PCNX3: variants seen among roughly 807,000 people sequenced by gnomAD.
The protein encoded by PCNX3 is pecanex-like protein 3.
A neutral mutation model predicts 207.2 loss-of-function variants in PCNX3; 58 were observed. That is an observed-to-expected ratio of 0.28 (90% CI 0.23 to 0.35). PCNX3 has a LOEUF of 0.35. PCNX3 is among the 10% of genes least tolerant of loss of function. PCNX3 has a pLI of 1.00. For synonymous variants in PCNX3, 1,337 were observed against 1,183.5 expected (o/e 1.13, Z -2.66); for missense variants, 2,410 against 2,774.4 (o/e 0.87, Z 2.95).
In PCNX3 at chr11:65,623,518, C is replaced by T. The variant is rs1251470791; in HGVS notation, c.2385C>T (p.Phe795=). The T allele has an allele frequency of 4.3e-6, 7 of 1,611,876 alleles. No individual in the cohort carries two copies. The highest frequency in any genetic ancestry group is 1.3e-5 in the African/African-American group (1 of 74,838). The part of the protein sequence containing the change: ...DRTRGVLENI[F]GVGLSSLVAF... ...CGCGGGGAGTGCTGGAGAACATCTT[C>T]GGCGTGGGCCTGAGCAGCCTTGTGG... The change falls in exon 12 of 35, where the codon TTC becomes TTT. Residue 795 remains phenylalanine (F), a synonymous_variant. Coordinates refer to ENST00000355703, the MANE Select transcript of PCNX3 (RefSeq NM_032223.4).
Position 65,635,742 on chromosome 11 carries a change from C to T in PCNX3, c.5398C>T (p.Leu1800=), listed in dbSNP as rs61739950. 8.7e-4 allele frequency: 1,394 copies of T among 1,604,248 alleles called. 9 individuals carry two copies. The African/African-American group carries it at 0.013, about 15-fold the overall frequency. Residue 1800 remains leucine, a synonymous_variant, in exon 32 of 35, where the codon CTG becomes TTG. Coordinates refer to ENST00000355703, the MANE Select transcript of PCNX3 (RefSeq NM_032223.4). The surrounding 1 kb of genome is among the most constrained non-coding windows in gnomAD (Gnocchi z 9.9). ...LAGSHPQLRA[L]WGGPISLGAI... is the part of the protein sequence containing the mutation. ...TGGCAGCCACCCCCAGCTACGGGCA[C>T]TGTGGGGTGGCCCCATCAGCCTGGG...
intron 10 of PCNX3, among the ~76,000 whole-genome samples, chr11:65,621,804 G>C (rs553448211): frequency 6.6e-6 from 1 of 152,364 alleles, no homozygotes; most frequent in South Asian, 2.1e-4. Context: ...TTGGCACCTA[G>C]GCATGTCCTC....
At chr11:65,631,663 A>C (rs1262041845) in intron 27 of PCNX3, among the ~76,000 whole-genome samples, 3 of 152,136 alleles carry the variant, frequency 2.0e-5, no homozygotes, top group African/African-American at 7.2e-5. Context: ...TCTCAAAAAA[A>C]AAAAAGGAAT....
At chr11:65,622,143 G>A (rs750314321) in intron 10 of PCNX3, 102 bp from the exon 11 acceptor site, 32 of 1,465,002 alleles carry the variant, frequency 2.2e-5, no homozygotes, top group Non-Finnish European at 2.9e-5. Flanking sequence ...TGTGCTGAAG[G>A]GGGGTAACAG....
chr11:65,616,444 T>A lies in PCNX3; in HGVS notation c.133T>A (p.Phe45Ile). 6.2e-7 allele frequency: 1 copy of A among 1,608,650 alleles called. No homozygotes were observed. Among genetic ancestry groups the A allele is most frequent in the Non-Finnish European group, 8.5e-7 (1 of 1,179,320 alleles). The change falls in exon 1 of 35, where the codon TTT becomes ATT. Residue 45 changes from phenylalanine to isoleucine, a missense_variant. Phe to Ile is a conservative substitution (Grantham distance 21). Around this residue, in one of 8 missense-constraint regions of PCNX3, gnomAD observed 1,104 missense variants for 970.3 expected, o/e 1.14. Coordinates refer to ENST00000355703, the MANE Select transcript of PCNX3 (RefSeq NM_032223.4). Reference protein sequence around the residue: ...HLYVWIFLLIFPFLLYMVLPP... With the variant: ...HLYVWIFLLIIPFLLYMVLPP... ...CTATGTCTGGATCTTCCTGCTCATC[T>A]TTCCCTTCTTACTGTACATGGTGAG... is the stretch of plus-strand genomic sequence containing the variant.
At chr11:65,621,086 G>A in intron 10 of PCNX3, 120 bp downstream of exon 10, 2 of 1,306,932 alleles carry the variant, frequency 1.5e-6, no homozygotes, top group Non-Finnish European at 1.0e-6. Context: ...AGTGCTGAGT[G>A]AGCGCTCCAG....
Position 65,635,379 on chromosome 11 carries a change from G to T in PCNX3, c.5115G>T (p.Leu1705=), listed in dbSNP as rs758898958. 8 of 1,612,212 alleles carry T rather than the reference G, an allele frequency of 5.0e-6. No individual in the cohort carries two copies. The highest frequency in any genetic ancestry group is 5.9e-6 in the Non-Finnish European group (7 of 1,179,684). ...CCCTGCTGGCGCTGCGCCATGTCCT[G>T]GATGATGCCTCCGACGAGTACAAGA... ...TPSLLALRHV[L]DDASDEYKII... is the part of the protein sequence containing the mutation. Residue 1705 remains leucine (L), a synonymous_variant, in exon 31 of 35, where the codon CTG becomes CTT. Transcript: ENST00000355703. This position sits in a 1 kb window ranked among gnomAD's most constrained non-coding sequence, Gnocchi z 9.9.
rs371417593 is a variant in PCNX3, at chr11:65,630,576, G to A, written c.4442G>A (p.Arg1481His). The stretch of plus-strand genomic sequence containing the variant: ...TCCATGCTGCAGGTTTTCGACCTCC[G>A]CAAGATCCTCATCACCTACTATGTC... ...AASMLQVFDL[R>H]KILITYYVKS... Residue 1481 changes from arginine to histidine, a missense_variant, in exon 27 of 35, where the codon CGC (arginine) becomes CAC (histidine). Arg to His is a conservative substitution (Grantham distance 29, BLOSUM62 0). This residue lies in a region of PCNX3 where 420 missense variants were observed against 705.3 expected (regional missense o/e 0.60). Coordinates refer to ENST00000355703, the MANE Select transcript of PCNX3 (RefSeq NM_032223.4). 6 of 1,612,334 alleles carry A rather than the reference G, an allele frequency of 3.7e-6. No homozygotes were observed. The highest frequency in any genetic ancestry group is 5.1e-6 in the Non-Finnish European group (6 of 1,179,032).
chr11:65,624,728 C>T lies in PCNX3; in HGVS notation c.2827+147C>T, dbSNP rs77649144. ...GTTTCTGCCTTCTCCCCTCTCCTTC[C>T]CTCCCCAGGCAAGTGGTTTATATCT... On this transcript the variant is annotated intron_variant, in intron 15 of 34. Coordinates refer to ENST00000355703, the MANE Select transcript of PCNX3 (RefSeq NM_032223.4). The T allele has an allele frequency of 0.02, 19,023 of 931,868 alleles. 2,178 individuals carry two copies. The Admixed American group carries it at 0.24, about 12-fold the overall frequency. The allele number at this position is 931,868 out of a possible 1,614,324, so 57.7% of individuals were successfully genotyped here. A position where few individuals can be genotyped will look rare whatever the true frequency, so the allele number is the denominator to read the frequency against.
intron 27 of PCNX3, among the ~76,000 whole-genome samples, chr11:65,633,920 C>T (rs1282580550): frequency 6.6e-6 from 1 of 152,248 alleles, no homozygotes; most frequent in East Asian, 1.9e-4. Context: ...GTGGGTGCTT[C>T]CTGGCGGCTT....
rs1407918914 is a variant in PCNX3 at position 65,637,191 on chromosome 11, G to C, written c.*213G>C. 4 of 592,468 alleles carry C rather than the reference G, an allele frequency of 6.8e-6. No individual in the cohort carries two copies. The highest frequency in any genetic ancestry group is 1.9e-5 in the African/African-American group (1 of 53,742). The allele number at this position is 592,468 out of a possible 1,614,324, so 36.7% of individuals were successfully genotyped here. Reference sequence around the variant, plus strand: ...CCCAGTCCAGGGCCTGGGCTCCCCAGATGGAGGCAGTCAGCCTCCCAGCCA... The same window carrying C: ...CCCAGTCCAGGGCCTGGGCTCCCCACATGGAGGCAGTCAGCCTCCCAGCCA... On this transcript the variant is annotated 3_prime_UTR_variant, in exon 35 of 35. Coordinates refer to ENST00000355703, the MANE Select transcript of PCNX3 (RefSeq NM_032223.4).
chr11:65,616,236 G>T lies in PCNX3; in HGVS notation c.-76G>T. ...AGGCCGGGCCCCGGGGCCCTCAGGC[G>T]CCAGACGGGGCATGGGCCGGGGGCC... On this transcript the variant is annotated 5_prime_UTR_variant, in exon 1 of 35. Transcript: ENST00000355703. The T allele has an allele frequency of 8.0e-7, 1 of 1,247,332 alleles. No individual in the cohort carries two copies. Among genetic ancestry groups the T allele is most frequent in the Non-Finnish European group, 1.0e-6 (1 of 953,046 alleles). The allele number at this position is 1,247,332 out of a possible 1,614,324, so 77.3% of individuals were successfully genotyped here.
At position 65,617,021 on chromosome 11, in the gene PCNX3, G is replaced by A; in HGVS notation, c.341+10G>A. On this transcript the variant is annotated intron_variant, in intron 2 of 34. Transcript: ENST00000355703. ...ACAGCAATCCACCCAGGTGGGTGGG[G>A]TAGGGGCTGTGCTGGGGATTGAGGG... The A allele has an allele frequency of 6.3e-7, 1 of 1,598,126 alleles. No individual in the cohort carries two copies. The highest frequency in any genetic ancestry group is 8.5e-7 in the Non-Finnish European group (1 of 1,172,572).
chr11:65,625,514 A>T lies in PCNX3; in HGVS notation c.3135+4A>T. 7.5e-7 allele frequency: 1 copy of T among 1,339,668 alleles called. No individual in the cohort carries two copies. Among genetic ancestry groups the T allele is most frequent in the Non-Finnish European group, 1.0e-6 (1 of 986,732 alleles). 83.0% of individuals were successfully genotyped at this position (1,339,668 alleles called of 1,614,324 possible). ...GGACAAGATGCGCCAGTCGGTGGTG[A>T]GGGGGCGGGGGGTGGGGGTCTGTGG... is the stretch of plus-strand genomic sequence containing the variant. On this transcript the variant is annotated splice_donor_region_variant and intron_variant, in intron 18 of 34. Transcript: ENST00000355703. The surrounding 1 kb of genome is among the most constrained non-coding windows in gnomAD (Gnocchi z 5.6).
intron 5 of PCNX3, 102 bp from the exon 6 acceptor site, chr11:65,617,838 C>G: frequency 6.8e-7 from 1 of 1,461,264 alleles, no homozygotes; most frequent in Non-Finnish European, 9.3e-7. Context: ...GCTGCTGTGG[C>G]TGGGCTCTCA....
Position 65,627,461 on chromosome 11 carries a change from G to C in PCNX3, c.3581G>C (p.Cys1194Ser). 6.2e-7 allele frequency: 1 copy of C among 1,613,416 alleles called. No individual in the cohort carries two copies. Among genetic ancestry groups the C allele is most frequent in the Non-Finnish European group, 8.5e-7 (1 of 1,179,856 alleles). Residue 1194 changes from cysteine to serine, a missense_variant, in exon 22 of 35, where the codon TGC (cysteine) becomes TCC (serine). Transcript: ENST00000355703. ...AGLKLLRSAF[C>S]CPPQQYLTLA... ...CTGAAGCTGCTGCGCTCAGCCTTCT[G>C]CTGCCCCCCACAGCAGTACCTGACG... is the stretch of plus-strand genomic sequence containing the variant.
rs1326386750 is a variant in PCNX3 at position 65,624,305 on chromosome 11, C to T, written c.2655C>T (p.Ser885=). The T allele has an allele frequency of 1.3e-6, 2 of 1,575,572 alleles. No individual in the cohort carries two copies. The highest frequency in any genetic ancestry group is 1.2e-5 in the South Asian group (1 of 86,176). ...CAGCTCAGCCCTTCCCACCTGTCTCCCTCTACGGCCTCACGCTCTTCTCTG... is the reference window on the plus strand; with the variant it reads ...CAGCTCAGCCCTTCCCACCTGTCTCTCTCTACGGCCTCACGCTCTTCTCTG... ...LGSAQPFPPV[S]LYGLTLFSAS... Residue 885 remains serine, a synonymous_variant, in exon 14 of 35, where the codon TCC becomes TCT. Transcript: ENST00000355703.
intron 11 of PCNX3, among the ~76,000 whole-genome samples, 183 bp from the exon 12 acceptor site, chr11:65,623,308 C>T (rs1027324109): frequency 6.6e-6 from 1 of 152,216 alleles, no homozygotes; most frequent in Non-Finnish European, 1.5e-5. Context: ...ATACAATGGT[C>T]GCTGGAGCAG....
chr11:65,626,753 C>T (rs1421325143), intron 20 of PCNX3, 151 bp from the exon 21 acceptor site: 20 of 1,134,786 alleles, frequency 1.8e-5, no homozygotes, highest in Non-Finnish European at 2.2e-5. Context: ...TGCTGGGGCT[C>T]GCTGCTCCCA....
Sources: allele counts gnomAD v4.1 joint callset (sites outside exome capture counted in the v4.1 genomes callset), GRCh38; gene constraint gnomAD v4.1.1; regional missense constraint gnomAD v4.1.1; non-coding constraint Gnocchi (gnomAD v3.1); transcripts MANE v1.5; gene names NCBI Gene and HGNC (gene_info 2026-07-23, HGNC 2026-07-21).